COPB1: variants seen among roughly 807,000 people sequenced by gnomAD.
COPB1 encodes coatomer subunit beta.
In COPB1, 21 loss-of-function variants were observed where a neutral mutation model predicts 108.7. That is an observed-to-expected ratio of 0.19 (90% CI 0.14 to 0.28). COPB1 has a LOEUF of 0.28. COPB1 is among the 10% of genes least tolerant of loss of function. COPB1 has a pLI of 1.00. For missense variants in COPB1, 919 were observed against 1,141.3 expected (o/e 0.81, Z 2.81); for synonymous variants, 378 against 386.8 (o/e 0.98, Z 0.27).
At chr11:14,472,768 T>C (rs994761408) in intron 14 of COPB1, among the ~76,000 whole-genome samples, 1 of 152,194 alleles carries the variant, frequency 6.6e-6, no homozygotes, top group Non-Finnish European at 1.5e-5. Flanking sequence ...ACGGGCTTAT[T>C]TCCTTAAACC....
rs1355465727 is a variant in COPB1, at chr11:14,461,217, T to C, written c.2525A>G (p.Gln842Arg). ...TTCCCATTCAAATTCGGCCCACATC[T>C]GACGGAATTCTGCATCAGTGCAAGT... is the stretch of plus-strand genomic sequence containing the variant. ...PATCTDAEFRQMWAEFEWENK... is the reference protein window; with the variant it reads ...PATCTDAEFRRMWAEFEWENK... The change falls in exon 19 of 22, where the codon CAG becomes CGG. Residue 842 changes from glutamine to arginine, a missense_variant. Gln to Arg is a conservative substitution (Grantham distance 43). Coordinates refer to ENST00000439561, the MANE Select transcript of COPB1 (RefSeq NM_001144061.2). 1 of 1,614,092 alleles carries C rather than the reference T, an allele frequency of 6.2e-7. No individual in the cohort carries two copies. The highest frequency in any genetic ancestry group is 1.3e-5 in the African/African-American group (1 of 74,940).
intron 14 of COPB1, among the ~76,000 whole-genome samples, chr11:14,470,899 TACACACAC>T (rs56957263): frequency 0.013 from 1,776 of 134,824 alleles, 14 homozygotes; most frequent in African/African-American, 0.017. Context: ...GTGGAAGAAA[TACACACAC>T]ACACACACAC....
At chr11:14,492,780 AAATT>A (rs995283522) in intron 4 of COPB1, among the ~76,000 whole-genome samples, 11 of 152,230 alleles carry the variant, frequency 7.2e-5, no homozygotes, top group African/African-American at 2.7e-4. Context: ...AGTCCTTAAT[AAATT>A]GATACCTGTG....
chr11:14,486,283 T>TA, intron 7 of COPB1, 84 bp downstream of exon 7: 1 of 1,473,164 alleles, frequency 6.8e-7, no homozygotes. Flanking sequence ...TGTAACCACA[T>TA]AGTGAATTGA....
Position 14,479,578 on chromosome 11 carries a change from T to G in COPB1, c.1349A>C (p.Lys450Thr), listed in dbSNP as rs761726025. ...EKMLEVFHAI[K>T]SVKIYRGALW... Reference sequence around the variant, plus strand: ...TGTATTTTAAACCTACTTGACAGATTTAATAGCATGAAAGACTTCAAGCAT... The same window carrying G: ...TGTATTTTAAACCTACTTGACAGATGTAATAGCATGAAAGACTTCAAGCAT... The change falls in exon 11 of 22, where the codon AAA (lysine) becomes ACA (threonine). Residue 450 changes from lysine (K) to threonine (T), a missense_variant. Physicochemically the swap from Lys to Thr is moderately conservative, Grantham distance 78. Coordinates refer to ENST00000439561, the MANE Select transcript of COPB1 (RefSeq NM_001144061.2). 6.2e-7 allele frequency: 1 copy of G among 1,606,230 alleles called. No homozygotes were observed. Among genetic ancestry groups the G allele is most frequent in the East Asian group, 2.2e-5 (1 of 44,842 alleles).
chr11:14,485,788 C>A (rs1453291328), intron 7 of COPB1, among the ~76,000 whole-genome samples: 2 of 152,066 alleles, frequency 1.3e-5, no homozygotes, highest in Admixed American at 1.3e-4. Flanking sequence ...GTGGAGGATG[C>A]AGTGAGCCAA....
rs1383689744 is a variant in COPB1 at position 14,493,948 on chromosome 11, G to A, written c.322-137C>T. ...TACCGACAATTTCCATCATATTCTT[G>A]TTGACTGAAGCAATTTTTACCTATC... On this transcript the variant is annotated intron_variant, in intron 3 of 21. Transcript: ENST00000439561. 1.3e-5 allele frequency: 11 copies of A among 817,032 alleles called. No homozygotes were observed. In the East Asian group the frequency reaches 3.0e-4, roughly 22 times the overall value. The allele number at this position is 817,032 out of a possible 1,614,324, so 50.6% of individuals were successfully genotyped here. A position where few individuals can be genotyped will look rare whatever the true frequency, so the allele number is the denominator to read the frequency against.
At chr11:14,476,044 A>C in intron 12 of COPB1, 99 bp from the exon 13 acceptor site, 2 of 1,116,956 alleles carry the variant, frequency 1.8e-6, no homozygotes, top group South Asian at 1.8e-5. Flanking sequence ...GCATTACCCT[A>C]ATGGGATTTT....
chr11:14,460,801 G>C (rs575059482), intron 19 of COPB1, among the ~76,000 whole-genome samples: 26 of 152,254 alleles, frequency 1.7e-4, no homozygotes, highest in African/African-American at 5.8e-4. Context: ...ACCGTGCCCA[G>C]CCTCATATAG....
intron 14 of COPB1, among the ~76,000 whole-genome samples, chr11:14,472,117 T>C (rs150683907): frequency 3.3e-5 from 5 of 152,330 alleles, no homozygotes; most frequent in East Asian, 1.9e-4. Context: ...TAGGACATTG[T>C]AACCAACTCT....
intron 17 of COPB1, 66 bp from the exon 18 acceptor site, chr11:14,465,096 C>CACAT (rs1850256985): frequency 2.1e-6 from 3 of 1,431,388 alleles, no homozygotes; most frequent in African/African-American, 1.4e-5. Flanking sequence ...CACACACACA[C>CACAT]ACACACACAC....
At chr11:14,476,526 G>A (rs1232703504) in intron 12 of COPB1, among the ~76,000 whole-genome samples, 1 of 152,176 alleles carries the variant, frequency 6.6e-6, no homozygotes, top group Non-Finnish European at 1.5e-5. Flanking sequence ...CTGATGTCAA[G>A]TTAGGTTGAG....
chr11:14,460,370 A>C, intron 19 of COPB1, 73 bp from the exon 20 acceptor site: 6 of 939,316 alleles, frequency 6.4e-6, no homozygotes, highest in Non-Finnish European at 9.9e-6. Context: ...CCAGTATGTC[A>C]TATTAAAAAC....
chr11:14,479,256 G>A (rs770183386), intron 11 of COPB1, among the ~76,000 whole-genome samples: 3 of 152,080 alleles, frequency 2.0e-5, no homozygotes, highest in Admixed American at 6.6e-5. Context: ...AAATGTGAAA[G>A]GAAGATATAA....
intron 8 of COPB1, among the ~76,000 whole-genome samples, chr11:14,482,156 T>C (rs1451936030): frequency 1.3e-5 from 2 of 152,200 alleles, no homozygotes; most frequent in African/African-American, 4.8e-5. Flanking sequence ...TAATTTCTTA[T>C]ATAACCACAT....
intron 14 of COPB1, among the ~76,000 whole-genome samples, chr11:14,469,858 T>A (rs1850364677): frequency 6.6e-6 from 1 of 152,222 alleles, no homozygotes; most frequent in Admixed American, 6.5e-5. Context: ...TCCTTTTTAA[T>A]CCCAACTACA....
chr11:14,474,226 T>C, intron 14 of COPB1: 1 of 236,898 alleles, frequency 4.2e-6, no homozygotes, highest in South Asian at 6.8e-5. Flanking sequence ...CTGAGGTGAC[T>C]TCATAAATCC....
chr11:14,466,229 T>C, intron 17 of COPB1, 53 bp downstream of exon 17: 1 of 1,566,490 alleles, frequency 6.4e-7, no homozygotes, highest in East Asian at 2.3e-5. Context: ...CCTTAATCTG[T>C]CATAAAGATC....
At chr11:14,466,536 C>A in intron 16 of COPB1, 110 bp from the exon 17 acceptor site, 2 of 1,041,566 alleles carry the variant, frequency 1.9e-6, no homozygotes, top group South Asian at 1.8e-5. Context: ...GCTTAGAAGT[C>A]ATTTTGAGAT....
Sources: allele counts gnomAD v4.1 joint callset (sites outside exome capture counted in the v4.1 genomes callset), GRCh38; gene constraint gnomAD v4.1.1; transcripts MANE v1.5; gene names NCBI Gene and HGNC (gene_info 2026-07-23, HGNC 2026-07-21).